The following RAB33B variants were observed in gnomAD, a reference collection of about 807,000 sequenced individuals.
RAB33B encodes RAB33B, member RAS oncogene family, also known as ras-related protein Rab-33B.
RAB33B carries 6 observed loss-of-function variants against 15.0 expected under a neutral mutation model. The ratio of observed to expected loss-of-function variants is 0.40; its 90% CI spans 0.22 to 0.79. The LOEUF is 0.79. Ranked by LOEUF, RAB33B falls within the 30% of genes least tolerant of loss-of-function variation. RAB33B has a pLI of 0.37. For missense variants in RAB33B, 257 were observed against 296.4 expected (o/e 0.87, Z 0.98); for synonymous variants, 117 against 108.3 (o/e 1.08, Z -0.50).
At chr4:139,454,508 G>T (rs1750024641) in intron 1 of RAB33B, 64 bp downstream of exon 1, 1 of 1,554,468 alleles carries the variant, frequency 6.4e-7, no homozygotes, top group Non-Finnish European at 8.7e-7. Flanking sequence ...ACCGTGGGCT[G>T]GTCGCTGGCC....
At chr4:139,462,217 C>T (rs962288753) in intron 1 of RAB33B, among the ~76,000 whole-genome samples, 4 of 152,066 alleles carry the variant, frequency 2.6e-5, no homozygotes, top group Admixed American at 1.3e-4. Flanking sequence ...CCACGCCCGG[C>T]TAACTTTTTG....
chr4:139,452,396 G>T (rs1349920066), upstream of RAB33B: 1 of 152,152 alleles, frequency 6.6e-6, no homozygotes. Flanking sequence ...AAAAAACAGG[G>T]ATGCAATGAT....
chr4:139,458,154 G>T (rs182684512), intron 1 of RAB33B, among the ~76,000 whole-genome samples: 1 of 152,280 alleles, frequency 6.6e-6, no homozygotes, highest in Non-Finnish European at 1.5e-5. Context: ...CCAGCTGGGT[G>T]TTGTGGCTTG....
chr4:139,464,386 GTT>G lies in RAB33B; in HGVS notation c.250-8275_250-8274del, dbSNP rs372330119. ...CGGGATTGATGGGAAGAGGAATACTGTTTTTTTTTTTTTTTTTTTTTTTTTTA... is the reference window on the plus strand; with the variant it reads ...CGGGATTGATGGGAAGAGGAATACTGTTTTTTTTTTTTTTTTTTTTTTTTA... On this transcript the variant is annotated intron_variant, in intron 1 of 1. Transcript: ENST00000305626. Among the ~76,000 whole-genome samples the G allele has an allele frequency of 4.9e-3, 499 of 101,764 alleles. 5 individuals carry two copies. The highest frequency in any genetic ancestry group is 0.015 in the African/African-American group (442 of 28,646). 66.8% of individuals were successfully genotyped at this position (101,764 alleles called of 152,430 possible). A position where few individuals can be genotyped will look rare whatever the true frequency, so the allele number is the denominator to read the frequency against.
rs889170956 is a variant in RAB33B, at chr4:139,476,195, C to A, written c.*3069C>A. 1.3e-5 allele frequency: 2 copies of A among 152,162 alleles called. No homozygotes were observed. Among genetic ancestry groups the A allele is most frequent in the African/African-American group, 4.8e-5 (2 of 41,438 alleles). The allele number at this position is 152,162 out of a possible 1,614,324, so 9.4% of individuals were successfully genotyped here. On this transcript the variant is annotated 3_prime_UTR_variant, in exon 2 of 2. Transcript: ENST00000305626. ...TTTTAGAATAGTTCAGTGCAAAAAGCAAATGGTGCAAGAGGAGTTGATGTG... is the reference window on the plus strand; with the variant it reads ...TTTTAGAATAGTTCAGTGCAAAAAGAAAATGGTGCAAGAGGAGTTGATGTG...
Position 139,454,527 on chromosome 4 carries a change from G to C in RAB33B, c.249+83G>C, listed in dbSNP as rs1355709001. ...TGGGCTGGTCGCTGGCCGTGTGCAC[G>C]GTGTGTGTGCGCTCCATTTTTTTCT... On this transcript the variant is annotated intron_variant, in intron 1 of 1. Coordinates refer to ENST00000305626, the MANE Select transcript of RAB33B (RefSeq NM_031296.3). The C allele has an allele frequency of 2.1e-6, 3 of 1,460,184 alleles. No individual in the cohort carries two copies. In the Admixed American group the frequency reaches 6.2e-5, roughly 30 times the overall value. 90.5% of individuals were successfully genotyped at this position (1,460,184 alleles called of 1,614,324 possible).
At chr4:139,462,832 A>C (rs912207757) in intron 1 of RAB33B, among the ~76,000 whole-genome samples, 28 of 152,222 alleles carry the variant, frequency 1.8e-4, no homozygotes, top group African/African-American at 6.5e-4. Context: ...CTTCCTAAGA[A>C]GACAAGTAAC....
At chr4:139,453,127 C>A (rs951285068), upstream of RAB33B, 1 of 152,170 alleles carries the variant, frequency 6.6e-6, no homozygotes, top group Non-Finnish European at 1.5e-5. Flanking sequence ...GCTACATCAT[C>A]GTCACCCAGG....
At chr4:139,442,393 G>A in the RAB33B span, among the ~76,000 whole-genome samples, 4 of 152,200 alleles carry the variant, frequency 2.6e-5, no homozygotes, top group Non-Finnish European at 5.9e-5. Context: ...GAAAGAGAAT[G>A]TGATGGTTAA....
At chr4:139,468,932 A>G (rs112185303) in intron 1 of RAB33B, among the ~76,000 whole-genome samples, 3 of 152,008 alleles carry the variant, frequency 2.0e-5, no homozygotes, top group East Asian at 1.9e-4. Context: ...TGCCAGACCT[A>G]TTGGAGCTCC....
intron 1 of RAB33B, among the ~76,000 whole-genome samples, chr4:139,463,492 C>T (rs1750212595): frequency 6.6e-6 from 1 of 152,156 alleles, no homozygotes; most frequent in African/African-American, 2.4e-5. Flanking sequence ...TTGCTGTGAG[C>T]ACATATTAGC....
chr4:139,463,579 A>G (rs1266193226), intron 1 of RAB33B, among the ~76,000 whole-genome samples: 1 of 152,254 alleles, frequency 6.6e-6, no homozygotes, highest in Non-Finnish European at 1.5e-5. Context: ...CATTTACCAG[A>G]TGAAAGCGTC....
Position 139,473,216 on chromosome 4 carries a change from TA to T in RAB33B, c.*92del. ...AAGTCATAAGATTTAATCTCAACTA[TA>T]ATGGGTCATCTTGACACTTTGCTGT... On this transcript the variant is annotated 3_prime_UTR_variant, in exon 2 of 2. Transcript: ENST00000305626. 1 of 1,124,468 alleles carries T rather than the reference TA, an allele frequency of 8.9e-7. No homozygotes were observed. Among genetic ancestry groups the T allele is most frequent in the South Asian group, 1.7e-5 (1 of 58,242 alleles). The allele number at this position is 1,124,468 out of a possible 1,614,324, so 69.7% of individuals were successfully genotyped here.
chr4:139,449,158 C>G (rs1749878780), upstream of RAB33B: 1 of 152,226 alleles, frequency 6.6e-6, no homozygotes, highest in Non-Finnish European at 1.5e-5. Flanking sequence ...CTGCGCCCAG[C>G]CTCCTTTTAT....
chr4:139,438,725 G>A, the RAB33B span, among the ~76,000 whole-genome samples: 1 of 152,124 alleles, frequency 6.6e-6, no homozygotes, highest in Non-Finnish European at 1.5e-5. Context: ...CTAATCATTG[G>A]TTTTTGTTAA....
chr4:139,452,741 G>A (rs1462501732), upstream of RAB33B: 1 of 152,066 alleles, frequency 6.6e-6, no homozygotes, highest in Admixed American at 6.6e-5. Flanking sequence ...TGGCAACTCC[G>A]GGCATGTTTA....
the RAB33B span, among the ~76,000 whole-genome samples, chr4:139,440,615 A>ATTT: frequency 0.062 from 8,927 of 144,794 alleles, 351 homozygotes; most frequent in Non-Finnish European, 0.092. Flanking sequence ...AAATTGACCA[A>ATTT]TTTTTTTTTT....
upstream of RAB33B, chr4:139,449,009 A>T: frequency 6.6e-6 from 1 of 152,298 alleles, no homozygotes; most frequent in Non-Finnish European, 1.5e-5. Context: ...CTCCTCACCA[A>T]TCTCTAGATC....
chr4:139,461,650 A>T (rs761356297), intron 1 of RAB33B, among the ~76,000 whole-genome samples: 12 of 152,056 alleles, frequency 7.9e-5, no homozygotes, highest in Admixed American at 2.6e-4. Flanking sequence ...GGGAAAGAGG[A>T]TGGATAACTA....
Sources: allele counts gnomAD v4.1 joint callset (sites outside exome capture counted in the v4.1 genomes callset), GRCh38; gene constraint gnomAD v4.1.1; transcripts MANE v1.5; gene names NCBI Gene and HGNC (gene_info 2026-07-23, HGNC 2026-07-21).